KCNT2: variants seen among roughly 807,000 people sequenced by gnomAD.
The protein encoded by KCNT2 is potassium channel subfamily T member 2.
KCNT2 carries 67 observed loss-of-function variants against 153.8 expected under a neutral mutation model. The observed-to-expected ratio is 0.44, with a 90% CI of 0.36 to 0.53. The LOEUF (loss-of-function observed/expected upper bound fraction) is 0.53. KCNT2 is among the 20% of genes least tolerant of loss of function. The pLI is 0.00. For missense variants in KCNT2, 975 were observed against 1,354.8 expected, an observed-to-expected ratio of 0.72 and a Z score of 4.40; for synonymous variants, 500 against 458.8, an observed-to-expected ratio of 1.09 and a Z score of -1.15.
chr1:196,493,412 T>C (rs1406586593), intron 1 of KCNT2, among the ~76,000 whole-genome samples: 1 of 151,794 alleles, frequency 6.6e-6, no homozygotes, highest in Non-Finnish European at 1.5e-5. Context: ...AAAAAACAAC[T>C]GACATTACAA....
At chr1:196,442,653 T>C (rs1433359199) in intron 8 of KCNT2, among the ~76,000 whole-genome samples, 1 of 151,560 alleles carries the variant, frequency 6.6e-6, no homozygotes. Context: ...TTAAGCATTC[T>C]AGGTAGAAGG....
intron 16 of KCNT2, among the ~76,000 whole-genome samples, chr1:196,334,960 G>A (rs1247102622): frequency 6.6e-6 from 1 of 152,106 alleles, no homozygotes; most frequent in African/African-American, 2.4e-5. Context: ...GCAAGCCCAA[G>A]CCCAAGTGGC....
intron 14 of KCNT2, 110 bp from the exon 15 acceptor site, chr1:196,342,338 C>T: frequency 1.2e-6 from 1 of 846,836 alleles, no homozygotes; most frequent in Non-Finnish European, 1.7e-6. Flanking sequence ...AACTGGCAAG[C>T]ACAATCCAAA....
chr1:196,555,058 CT>C (rs1233339876), intron 1 of KCNT2, among the ~76,000 whole-genome samples: 1 of 151,034 alleles, frequency 6.6e-6, no homozygotes, highest in Non-Finnish European at 1.5e-5. Flanking sequence ...AACTGGCAAC[CT>C]TTCCTCTAAG....
At chr1:196,469,507 C>T (rs1016626278) in intron 5 of KCNT2, among the ~76,000 whole-genome samples, 3 of 152,102 alleles carry the variant, frequency 2.0e-5, no homozygotes, top group African/African-American at 7.2e-5. Context: ...ATTGTTTTCA[C>T]TTTAATACAA....
intron 1 of KCNT2, among the ~76,000 whole-genome samples, chr1:196,604,712 T>C (rs1468148879): frequency 6.6e-6 from 1 of 151,294 alleles, no homozygotes; most frequent in Non-Finnish European, 1.5e-5. Flanking sequence ...TCATTACATA[T>C]ATTATAATAT....
intron 25 of KCNT2, among the ~76,000 whole-genome samples, chr1:196,272,162 G>A (rs559796783): frequency 6.6e-6 from 1 of 152,032 alleles, no homozygotes; most frequent in Non-Finnish European, 1.5e-5. Context: ...GTGCTAATTG[G>A]TCAGGCAAAA....
At chr1:196,356,612 G>A (rs1354690999) in intron 14 of KCNT2, among the ~76,000 whole-genome samples, 3 of 151,712 alleles carry the variant, frequency 2.0e-5, no homozygotes, top group East Asian at 1.9e-4. Flanking sequence ...CCCTATTATT[G>A]TAGGTACTAC....
chr1:196,280,972 T>A lies in KCNT2; in HGVS notation c.2798A>T (p.Asp933Val). 1 of 1,611,022 alleles carries A rather than the reference T, an allele frequency of 6.2e-7. No individual in the cohort carries two copies. ...GGCATAAGTTCTGATCCATAAGTCA[T>A]CTGCAGTGATTTTCATCTATAACAC... is the stretch of plus-strand genomic sequence containing the variant. The part of the protein sequence containing the change: ...GFLCSMKITA[D>V]DLWIRTYARL... The change falls in exon 25 of 28, where the codon GAT (aspartate) becomes GTT (valine). Residue 933 changes from aspartate to valine, a missense_variant. Transcript: ENST00000294725.
intron 8 of KCNT2, among the ~76,000 whole-genome samples, chr1:196,451,518 T>C (rs551631182): frequency 2.0e-5 from 3 of 148,602 alleles, no homozygotes; most frequent in African/African-American, 7.4e-5. Context: ...CCCAAAGTGC[T>C]AGGATTACAG....
intron 1 of KCNT2, among the ~76,000 whole-genome samples, chr1:196,504,605 T>C (rs1680977508): frequency 6.6e-6 from 1 of 152,188 alleles, no homozygotes; most frequent in Non-Finnish European, 1.5e-5. Context: ...TACCCAGTAA[T>C]GAGATGGCTG....
chr1:196,579,909 G>A (rs996678616), intron 1 of KCNT2, among the ~76,000 whole-genome samples: 6 of 152,124 alleles, frequency 3.9e-5, no homozygotes, highest in Admixed American at 2.0e-4. Flanking sequence ...AGTCTCATTC[G>A]AATGTTCATG....
chr1:196,395,763 T>A (rs891899444), intron 13 of KCNT2, among the ~76,000 whole-genome samples: 2 of 151,606 alleles, frequency 1.3e-5, no homozygotes, highest in Non-Finnish European at 3.0e-5. Context: ...TTTCTGAAAG[T>A]AAACTTTGCT....
chr1:196,511,044 A>G (rs2148796707), intron 1 of KCNT2, among the ~76,000 whole-genome samples: 1 of 151,716 alleles, frequency 6.6e-6, no homozygotes, highest in Admixed American at 6.6e-5. Context: ...GTCCCATGAA[A>G]CTCTTCCCCC....
intron 1 of KCNT2, among the ~76,000 whole-genome samples, chr1:196,586,463 A>C (rs915610009): frequency 6.6e-6 from 1 of 152,070 alleles, no homozygotes; most frequent in African/African-American, 2.4e-5. Flanking sequence ...TTTGTTTGAC[A>C]CTAGTCAATT....
intron 8 of KCNT2, among the ~76,000 whole-genome samples, chr1:196,437,502 A>C (rs1291692394): frequency 6.8e-6 from 1 of 148,134 alleles, no homozygotes; most frequent in Admixed American, 6.8e-5. Context: ...AAACATTTTA[A>C]ATTAAAAATT....
chr1:196,411,045 CCCT>C (rs1294192561), intron 12 of KCNT2, among the ~76,000 whole-genome samples: 1 of 127,678 alleles, frequency 7.8e-6, no homozygotes, highest in African/African-American at 2.9e-5. Flanking sequence ...CTCCCTCCCT[CCCT>C]CCTCTATTCC....
At chr1:196,263,985 T>C (rs1558079312) in intron 25 of KCNT2, among the ~76,000 whole-genome samples, 1 of 152,156 alleles carries the variant, frequency 6.6e-6, no homozygotes, top group Admixed American at 6.6e-5. Flanking sequence ...TACTTTCTAC[T>C]TACACTTTGG....
intron 5 of KCNT2, 38 bp downstream of exon 5, chr1:196,479,141 G>T: frequency 8.0e-7 from 1 of 1,251,922 alleles, no homozygotes; most frequent in Non-Finnish European, 1.2e-6. Context: ...CTACAGATGT[G>T]TTCTATCAGC....
Sources: gnomAD v4.1 joint callset for allele counts (sites outside exome capture counted in the v4.1 genomes callset) on GRCh38, gnomAD v4.1.1 for gene constraint, MANE v1.5 for transcripts, NCBI Gene and HGNC (gene_info 2026-07-23, HGNC 2026-07-21) for gene names.